IMMP2L: variants seen among roughly 807,000 people sequenced by gnomAD.
IMMP2L encodes inner mitochondrial membrane peptidase subunit 2, also known as mitochondrial inner membrane protease subunit 2.
IMMP2L carries 18 observed loss-of-function variants against 19.3 expected under a neutral mutation model. The observed-to-expected ratio is 0.93, with a 90% CI of 0.64 to 1.38. The LOEUF is 1.38. Among genes scored for constraint, IMMP2L ranks in the 40% most tolerant of loss-of-function variants. IMMP2L has a pLI of 0.00. For missense variants in IMMP2L, 233 were observed against 218.2 expected (o/e 1.07, Z -0.43); for synonymous variants, 76 against 73.0 (o/e 1.04, Z -0.21).
At chr7:111,313,111 T>C (rs1298596331) in intron 3 of IMMP2L, among the ~76,000 whole-genome samples, 1 of 152,132 alleles carries the variant, frequency 6.6e-6, no homozygotes, top group African/African-American at 2.4e-5. Context: ...CAACAGAGCC[T>C]ATACTGTCCA....
At chr7:111,178,460 G>A (rs1164082380) in intron 3 of IMMP2L, among the ~76,000 whole-genome samples, 1 of 151,954 alleles carries the variant, frequency 6.6e-6, no homozygotes, top group Non-Finnish European at 1.5e-5. Context: ...AAACCATAAA[G>A]TCTGCCCTAT....
rs181202743 is a variant in IMMP2L, at chr7:111,222,475, T to C, written c.240-258910A>G. 1.4e-3 allele frequency among the ~76,000 whole-genome samples: 216 copies of C among 149,060 alleles called. 1 individual carries two copies. Among genetic ancestry groups the C allele is most frequent in the Non-Finnish European group, 2.0e-3 (131 of 67,070 alleles). ...AAAGGACACCTACACATCAACAGTA[T>C]TTTTTTTTTAAAGCTTAATGACCAA... On this transcript the variant is annotated intron_variant, in intron 3 of 5. Transcript: ENST00000405709.
At chr7:111,024,468 G>T (rs1386183116) in intron 3 of IMMP2L, among the ~76,000 whole-genome samples, 5 of 152,092 alleles carry the variant, frequency 3.3e-5, no homozygotes, top group Non-Finnish European at 7.4e-5. Context: ...CCTCAACCCA[G>T]GTAGTCTTCT....
At chr7:111,130,286 T>A (rs1339208476) in intron 3 of IMMP2L, among the ~76,000 whole-genome samples, 2 of 152,138 alleles carry the variant, frequency 1.3e-5, no homozygotes, top group African/African-American at 4.8e-5. Flanking sequence ...ATACACAATT[T>A]CAAAATTATT....
chr7:111,275,405 G>A (rs755709431), intron 3 of IMMP2L, among the ~76,000 whole-genome samples: 2 of 152,130 alleles, frequency 1.3e-5, no homozygotes, highest in Non-Finnish European at 2.9e-5. Flanking sequence ...CAGAATTACT[G>A]TTCCCCCAAC....
intron 3 of IMMP2L, among the ~76,000 whole-genome samples, chr7:111,110,124 G>C (rs373978907): frequency 4.6e-5 from 7 of 152,264 alleles, no homozygotes; most frequent in South Asian, 2.1e-4. Context: ...AACACAGTGA[G>C]ACTCTGTCTC....
chr7:111,492,437 C>G, intron 2 of IMMP2L: 6 of 976,916 alleles, frequency 6.1e-6, no homozygotes, highest in Non-Finnish European at 7.3e-6. Context: ...TCCCCTCTGT[C>G]AAGAATGTTT....
chr7:110,843,883 G>T (rs1465879689), intron 5 of IMMP2L, among the ~76,000 whole-genome samples: 3 of 152,122 alleles, frequency 2.0e-5, no homozygotes, highest in Non-Finnish European at 4.4e-5. Context: ...GGCAGAGAGG[G>T]TGGCCAGGGT....
At chr7:111,546,671 C>T (rs1373328567) in intron 1 of IMMP2L, among the ~76,000 whole-genome samples, 3 of 152,000 alleles carry the variant, frequency 2.0e-5, no homozygotes, top group African/African-American at 4.8e-5. Flanking sequence ...AATGTTCTTC[C>T]CTTCCTTCAA....
chr7:111,430,943 C>T (rs1836564807), intron 3 of IMMP2L, among the ~76,000 whole-genome samples: 1 of 151,692 alleles, frequency 6.6e-6, no homozygotes, highest in African/African-American at 2.4e-5. Flanking sequence ...CCCATTTCTA[C>T]TAAAAATACA....
chr7:111,514,361 G>A (rs1585454011), intron 2 of IMMP2L, among the ~76,000 whole-genome samples: 1 of 152,074 alleles, frequency 6.6e-6, no homozygotes, highest in East Asian at 1.9e-4. Flanking sequence ...GCACACCGGG[G>A]CCTGTGGTGG....
At chr7:111,166,384 C>T (rs1267771649) in intron 3 of IMMP2L, among the ~76,000 whole-genome samples, 1 of 151,972 alleles carries the variant, frequency 6.6e-6, no homozygotes, top group Non-Finnish European at 1.5e-5. Flanking sequence ...TGAAAGTAAA[C>T]TTTATTATTT....
In IMMP2L at chr7:111,306,765, T is replaced by A. The variant is rs185984875; in HGVS notation, c.239+180473A>T. 1.1e-4 allele frequency among the ~76,000 whole-genome samples: 17 copies of A among 151,920 alleles called. No homozygotes were observed. The East Asian group carries it at 3.1e-3, about 28-fold the overall frequency. On this transcript the variant is annotated intron_variant, in intron 3 of 5. Transcript: ENST00000405709. The stretch of plus-strand genomic sequence containing the variant: ...TTTAGAGACTCTTTCAATTTGATGA[T>A]GTTTTCTGACTTTTATCCTTTGGGC...
At chr7:110,938,266 G>C in intron 4 of IMMP2L, among the ~76,000 whole-genome samples, 1 of 152,154 alleles carries the variant, frequency 6.6e-6, no homozygotes, top group Non-Finnish European at 1.5e-5. Flanking sequence ...GATTCTAGTA[G>C]GGAGGGAGGG....
chr7:111,005,712 T>G (rs1220848847), intron 3 of IMMP2L, among the ~76,000 whole-genome samples: 1 of 152,218 alleles, frequency 6.6e-6, no homozygotes. Context: ...TGAAAGAATC[T>G]GATTCCTTTT....
chr7:111,017,457 G>C (rs1825831194), intron 3 of IMMP2L, among the ~76,000 whole-genome samples: 2 of 152,106 alleles, frequency 1.3e-5, no homozygotes, highest in African/African-American at 4.8e-5. Flanking sequence ...TAGCTGGAAG[G>C]AGGGTAATGT....
intron 3 of IMMP2L, among the ~76,000 whole-genome samples, chr7:111,231,206 T>C (rs531590358): frequency 3.5e-4 from 54 of 152,170 alleles, no homozygotes; most frequent in Non-Finnish European, 6.5e-4. Context: ...ATTTCTCAAA[T>C]GCAGGAGGTA....
chr7:110,736,284 C>A (rs534331555), intron 5 of IMMP2L, among the ~76,000 whole-genome samples: 1 of 152,340 alleles, frequency 6.6e-6, no homozygotes, highest in Admixed American at 6.5e-5. Context: ...TAACACCCAG[C>A]AGATCCATGG....
intron 3 of IMMP2L, among the ~76,000 whole-genome samples, chr7:111,382,354 G>GA (rs200219658): frequency 4.3e-4 from 65 of 150,914 alleles, no homozygotes; most frequent in African/African-American, 1.5e-3. Context: ...CACAATGCCA[G>GA]AAAAAAAATC....
Sources: allele counts gnomAD v4.1 joint callset (sites outside exome capture counted in the v4.1 genomes callset), GRCh38; gene constraint gnomAD v4.1.1; transcripts MANE v1.5; gene names NCBI Gene and HGNC (gene_info 2026-07-23, HGNC 2026-07-21).